VPS13A: variants seen among roughly 807,000 people sequenced by gnomAD.
The protein encoded by VPS13A is vacuolar protein sorting 13 homolog A.
VPS13A carries 264 observed loss-of-function variants against 390.9 expected under a neutral mutation model. The observed-to-expected ratio is 0.68, with a 90% CI of 0.61 to 0.75. VPS13A has a LOEUF of 0.75. VPS13A is among the 30% of genes least tolerant of loss of function. VPS13A has a pLI of 0.00. For synonymous variants in VPS13A, 1,231 were observed against 1,227.1 expected, an observed-to-expected ratio of 1.00 and a Z score of -0.07; for missense variants, 3,409 against 3,733.9, an observed-to-expected ratio of 0.91 and a Z score of 2.27.
intron 7 of VPS13A, among the ~76,000 whole-genome samples, chr9:77,211,835 C>A (rs1348239006): frequency 6.6e-6 from 1 of 152,152 alleles, no homozygotes; most frequent in East Asian, 1.9e-4. Context: ...TTACAAAGCC[C>A]TCTAGGTCAG....
intron 28 of VPS13A, 90 bp from the exon 29 acceptor site, chr9:77,282,031 T>C: frequency 7.1e-7 from 1 of 1,411,580 alleles, no homozygotes; most frequent in Non-Finnish European, 9.9e-7. Context: ...TTATAAATTA[T>C]ATCCTTTATG....
intron 1 of VPS13A, among the ~76,000 whole-genome samples, chr9:77,184,804 A>C (rs1824232919): frequency 6.6e-6 from 1 of 152,096 alleles, no homozygotes; most frequent in African/African-American, 2.4e-5. Context: ...GTGTATGTTT[A>C]GCACTCAGTA....
chr9:77,343,632 A>G (rs1830965851), intron 50 of VPS13A, among the ~76,000 whole-genome samples: 1 of 152,206 alleles, frequency 6.6e-6, no homozygotes, highest in African/African-American at 2.4e-5. Flanking sequence ...GTTATTTCGT[A>G]CAATTCTGAG....
chr9:77,247,672 T>C (rs773994295), intron 20 of VPS13A, among the ~76,000 whole-genome samples: 89 of 152,230 alleles, frequency 5.8e-4, no homozygotes, highest in Non-Finnish European at 5.9e-4. Flanking sequence ...GATTGACTGA[T>C]TGATTTGAGA....
At chr9:77,390,204 T>G in intron 68 of VPS13A, 1 of 765,522 alleles carries the variant, frequency 1.3e-6, no homozygotes, top group Non-Finnish European at 1.6e-6. Flanking sequence ...TTATAGCTCT[T>G]CCTCTCCAGA....
chr9:77,225,695 GTAT>G (rs1315740200), intron 13 of VPS13A, among the ~76,000 whole-genome samples: 3 of 152,182 alleles, frequency 2.0e-5, no homozygotes, highest in African/African-American at 7.2e-5. Flanking sequence ...TGCAGAATAT[GTAT>G]TATTTCATTT....
intron 11 of VPS13A, 80 bp from the exon 12 acceptor site, chr9:77,220,197 G>GT: frequency 6.6e-7 from 1 of 1,511,044 alleles, no homozygotes; most frequent in Non-Finnish European, 9.1e-7. Flanking sequence ...TCCCTAAAAA[G>GT]TCAGTAATGT....
intron 67 of VPS13A, among the ~76,000 whole-genome samples, chr9:77,372,727 T>C (rs1381730103): frequency 6.6e-6 from 1 of 152,162 alleles, no homozygotes; most frequent in Non-Finnish European, 1.5e-5. Flanking sequence ...ATTGTATATC[T>C]AGAAAACCCC....
rs148797207 is a variant in VPS13A, at chr9:77,337,034, T to A, written c.6096-221T>A. On this transcript the variant is annotated intron_variant, in intron 46 of 71. Transcript: ENST00000360280. ...GGATGGTCTCAATCTCCTGACCTCG[T>A]GATACGCCCGTCTCGGCCTCCCAAA... Among the ~76,000 whole-genome samples, 12,084 of 151,910 alleles carry A rather than the reference T, an allele frequency of 0.08. 604 individuals carry two copies. The highest frequency in any genetic ancestry group is 0.12 in the East Asian group (600 of 5,140).
chr9:77,420,471 G>T lies in VPS13A; in HGVS notation c.*4465G>T. The T allele has an allele frequency of 6.7e-6, 1 of 149,854 alleles. No homozygotes were observed. Among genetic ancestry groups the T allele is most frequent in the Non-Finnish European group, 1.5e-5 (1 of 67,578 alleles). 9.3% of individuals were successfully genotyped at this position (149,854 alleles called of 1,614,324 possible). A position where few individuals can be genotyped will look rare whatever the true frequency, so the allele number is the denominator to read the frequency against. ...TTAGTTCTTTTTTTAAAGCATTATG[G>T]CATTTTCAAAAAAAAAATTATTTTG... On this transcript the variant is annotated 3_prime_UTR_variant, in exon 72 of 72. Transcript: ENST00000360280.
chr9:77,225,912 T>C lies in VPS13A; in HGVS notation c.1162-14T>C. The C allele has an allele frequency of 6.3e-7, 1 of 1,598,366 alleles. No individual in the cohort carries two copies. Among genetic ancestry groups the C allele is most frequent in the Non-Finnish European group, 8.6e-7 (1 of 1,166,836 alleles). ...TTTTTGTAAAGTTAACACATTTTTG[T>C]TTATATTTTTCAGGAGTTGGAAAAA... On this transcript the variant is annotated splice_polypyrimidine_tract_variant and intron_variant, in intron 13 of 71. Transcript: ENST00000360280.
chr9:77,186,437 T>C (rs1824338807), intron 1 of VPS13A, among the ~76,000 whole-genome samples: 1 of 152,086 alleles, frequency 6.6e-6, no homozygotes, highest in African/African-American at 2.4e-5. Context: ...CCTTTATTTA[T>C]TTGTTTTTTT....
intron 22 of VPS13A, among the ~76,000 whole-genome samples, chr9:77,254,198 C>T (rs1825315883): frequency 1.3e-5 from 2 of 152,142 alleles, no homozygotes; most frequent in African/African-American, 2.4e-5. Flanking sequence ...CCGCCTCGGC[C>T]TCCCAAAGTG....
chr9:77,327,991 A>T (rs1830099831), intron 45 of VPS13A, among the ~76,000 whole-genome samples: 1 of 152,190 alleles, frequency 6.6e-6, no homozygotes. Context: ...CCATCAGAGG[A>T]ATCACTATCT....
chr9:77,264,155 C>A (rs1048893156), intron 23 of VPS13A, among the ~76,000 whole-genome samples: 1 of 152,078 alleles, frequency 6.6e-6, no homozygotes, highest in Admixed American at 6.6e-5. Context: ...TGGTCTATAT[C>A]TCTGTTTTGG....
rs781452931 is a variant in VPS13A at position 77,370,448 on chromosome 9, G to C, written c.8777G>C (p.Gly2926Ala). 1.2e-5 allele frequency: 19 copies of C among 1,614,158 alleles called. No individual in the cohort carries two copies. Among genetic ancestry groups the C allele is most frequent in the Non-Finnish European group, 1.5e-5 (18 of 1,180,016 alleles). The stretch of plus-strand genomic sequence containing the variant: ...GCTGGTGCTGCCTCCAAAATCACCG[G>C]TGCTATGGCTAAGGGGGTAGCAGCT... The part of the protein sequence containing the change: ...GLAGAASKIT[G>A]AMAKGVAAMT... Residue 2926 changes from glycine to alanine, a missense_variant, in exon 65 of 72, where the codon GGT (glycine) becomes GCT (alanine). This residue lies in a region of VPS13A where 318 missense variants were observed against 333.7 expected (regional missense o/e 0.95). Transcript: ENST00000360280.
At chr9:77,307,788 A>G (rs1036272743) in intron 34 of VPS13A, among the ~76,000 whole-genome samples, 157 bp from the exon 35 acceptor site, 1 of 152,240 alleles carries the variant, frequency 6.6e-6, no homozygotes, top group African/African-American at 2.4e-5. Flanking sequence ...GCACATGGTC[A>G]TTTAGAAAAC....
chr9:77,299,242 G>A (rs944084283), intron 33 of VPS13A, among the ~76,000 whole-genome samples: 2 of 152,124 alleles, frequency 1.3e-5, no homozygotes, highest in African/African-American at 4.8e-5. Context: ...GGCTATACGG[G>A]CTCTTTTTTG....
chr9:77,326,128 C>T (rs1564731109), intron 45 of VPS13A, among the ~76,000 whole-genome samples: 1 of 151,928 alleles, frequency 6.6e-6, no homozygotes, highest in Non-Finnish European at 1.5e-5. Flanking sequence ...GCTTTTTTTC[C>T]TATATTTGCT....
Sources: allele counts gnomAD v4.1 joint callset (sites outside exome capture counted in the v4.1 genomes callset), GRCh38; gene constraint gnomAD v4.1.1; regional missense constraint gnomAD v4.1.1; transcripts MANE v1.5; gene names NCBI Gene and HGNC (gene_info 2026-07-23, HGNC 2026-07-21).